The following FBLN1 variants were observed in gnomAD, a reference collection of about 807,000 sequenced individuals.
FBLN1 encodes the protein fibulin 1.
FBLN1 carries 34 observed loss-of-function variants against 89.7 expected under a neutral mutation model. That is an observed-to-expected ratio of 0.38 (90% CI 0.29 to 0.50). The LOEUF is 0.50. Ranked by LOEUF, FBLN1 falls within the 20% of genes least tolerant of loss-of-function variation. The probability of loss-of-function intolerance (pLI) is 0.92; values close to 1 mark genes in which losing one functional copy is unlikely to be tolerated. For synonymous variants in FBLN1, 393 were observed against 391.3 expected (o/e 1.00, Z -0.05); for missense variants, 777 against 988.1 (o/e 0.79, Z 2.86).
At chr22:45,551,970 C>T (rs972485080) in intron 14 of FBLN1, among the ~76,000 whole-genome samples, 1 of 152,262 alleles carries the variant, frequency 6.6e-6, no homozygotes, top group African/African-American at 2.4e-5. Context: ...CTGGCGCCTC[C>T]TAAGCCTGAG....
intron 14 of FBLN1, chr22:45,564,917 A>T (rs998704201): frequency 6.2e-7 from 1 of 1,614,158 alleles, no homozygotes; most frequent in Non-Finnish European, 8.5e-7. Context: ...AGAACACCCC[A>T]GCGGGATCAA....
chr22:45,570,412 C>T (rs752006785), intron 14 of FBLN1, among the ~76,000 whole-genome samples: 1 of 135,796 alleles, frequency 7.4e-6, no homozygotes, highest in African/African-American at 2.7e-5. Context: ...AAAATCGAGT[C>T]AGAATTAGAA....
chr22:45,547,086 C>A lies in FBLN1; in HGVS notation c.1323C>A (p.Asp441Glu). The A allele has an allele frequency of 6.2e-7, 1 of 1,614,082 alleles. No homozygotes were observed. The highest frequency in any genetic ancestry group is 8.5e-7 in the Non-Finnish European group (1 of 1,180,014). Reference protein sequence around the residue: ...RLSVDGRSCEDINECSSSPCS... With the variant: ...RLSVDGRSCEEINECSSSPCS... ...GGTGACCCTCGTTTTGTATTTCAGA[C>A]ATCAATGAGTGCAGCAGCAGCCCCT... Residue 441 changes from aspartate (D) to glutamate (E), a missense_variant and splice_region_variant, in exon 12 of 17, where the codon GAC (aspartate) becomes GAA (glutamate). Transcript: ENST00000327858.
chr22:45,535,574 G>A, intron 8 of FBLN1: 1 of 523,376 alleles, frequency 1.9e-6, no homozygotes, highest in South Asian at 2.1e-5. Context: ...AGGGCCATCT[G>A]TAAACAAATG....
At chr22:45,554,461 G>T (rs118137125) in intron 14 of FBLN1, among the ~76,000 whole-genome samples, 1 of 152,108 alleles carries the variant, frequency 6.6e-6, no homozygotes, top group African/African-American at 2.4e-5. Context: ...GGACTCCCCC[G>T]TTCAGTGCCC....
At position 45,532,773 on chromosome 22, in the gene FBLN1, T is replaced by G; in HGVS notation, c.545-290T>G. On this transcript the variant is annotated intron_variant, in intron 5 of 16. Transcript: ENST00000327858. The surrounding 1 kb of genome is among the most constrained non-coding windows in gnomAD (Gnocchi z 4.2). ...ATGTCTGTGACCGGCAGTGAGCTCT[T>G]CTCTGCTTCGCCCCTTCCAGGTCCA... 1.9e-6 allele frequency: 1 copy of G among 515,666 alleles called. No individual in the cohort carries two copies. Among genetic ancestry groups the G allele is most frequent in the Non-Finnish European group, 3.5e-6 (1 of 283,088 alleles). The allele number at this position is 515,666 out of a possible 1,614,324, so 31.9% of individuals were successfully genotyped here.
chr22:45,508,563 C>G (rs1427807534), intron 1 of FBLN1, among the ~76,000 whole-genome samples: 1 of 152,154 alleles, frequency 6.6e-6, no homozygotes, highest in East Asian at 1.9e-4. Context: ...GCCCAGCCAG[C>G]CTCACGCACC....
intron 2 of FBLN1, among the ~76,000 whole-genome samples, chr22:45,520,306 A>G (rs2088232540): frequency 6.6e-6 from 1 of 152,192 alleles, no homozygotes; most frequent in Admixed American, 6.5e-5. Flanking sequence ...GGTTCCTCAT[A>G]GTTCCGGAGG....
chr22:45,534,507 A>G (rs930142674), intron 7 of FBLN1, among the ~76,000 whole-genome samples: 2 of 152,212 alleles, frequency 1.3e-5, no homozygotes, highest in African/African-American at 4.8e-5. Context: ...AGGATCGTTT[A>G]GAACACAGTT....
In FBLN1 at chr22:45,577,623, G is replaced by A. The variant is rs975417917; in HGVS notation, c.1972+515G>A. Among the ~76,000 whole-genome samples, 2 of 152,212 alleles carry A rather than the reference G, an allele frequency of 1.3e-5. No individual in the cohort carries two copies. Among genetic ancestry groups the A allele is most frequent in the African/African-American group, 4.8e-5 (2 of 41,454 alleles). ...TGAGCAGTAGTCGTCCCCTCCCTACGCATCAGTTGGTAAGAGGACCAAGGC... is the reference window on the plus strand; with the variant it reads ...TGAGCAGTAGTCGTCCCCTCCCTACACATCAGTTGGTAAGAGGACCAAGGC... On this transcript the variant is annotated intron_variant, in intron 16 of 16. Coordinates refer to ENST00000327858, the MANE Select transcript of FBLN1 (RefSeq NM_006486.3). This position sits in a 1 kb window ranked among gnomAD's most constrained non-coding sequence, Gnocchi z 6.6.
rs1207166312 is a variant in FBLN1, at chr22:45,530,453, C to T, written c.485-812C>T. On this transcript the variant is annotated intron_variant, in intron 4 of 16. Coordinates refer to ENST00000327858, the MANE Select transcript of FBLN1 (RefSeq NM_006486.3). This position sits in a 1 kb window ranked among gnomAD's most constrained non-coding sequence, Gnocchi z 5.4. ...CAGCCGCACCTTCCTCCCACTGCTA[C>T]CAGTGCCATGGACCCACTGTATGTT... Among the ~76,000 whole-genome samples the T allele has an allele frequency of 6.6e-6, 1 of 152,186 alleles. No homozygotes were observed. Among genetic ancestry groups the T allele is most frequent in the African/African-American group, 2.4e-5 (1 of 41,440 alleles).
rs551389830 is a variant in FBLN1, at chr22:45,556,799, G to A, written c.1697+6184G>A. 2.6e-5 allele frequency among the ~76,000 whole-genome samples: 4 copies of A among 152,148 alleles called. No homozygotes were observed. The highest frequency in any genetic ancestry group is 2.1e-4 in the South Asian group (1 of 4,806). ...CCTTGTTCTGTCTCCTGGTGGCGGC[G>A]TTCCTCCCTCTGGAACTAAGACCTC... On this transcript the variant is annotated intron_variant, in intron 14 of 16. Coordinates refer to ENST00000327858, the MANE Select transcript of FBLN1 (RefSeq NM_006486.3). The surrounding 1 kb of genome is among the most constrained non-coding windows in gnomAD (Gnocchi z 4.6).
intron 1 of FBLN1, among the ~76,000 whole-genome samples, chr22:45,517,992 C>T (rs1298155524): frequency 2.6e-5 from 4 of 151,788 alleles, no homozygotes; most frequent in African/African-American, 9.7e-5. Context: ...AGTAGCCGGG[C>T]GTAGTGGTGG....
Position 45,572,627 on chromosome 22 carries a change from C to G in FBLN1, c.1698-1884C>G, listed in dbSNP as rs1264046190. ...ATGGAAGTGAAGTGGTAGAACCAGACTATCGGCATTTTGCAATCCTTGATG... is the reference window on the plus strand; with the variant it reads ...ATGGAAGTGAAGTGGTAGAACCAGAGTATCGGCATTTTGCAATCCTTGATG... On this transcript the variant is annotated intron_variant, in intron 14 of 16. Coordinates refer to ENST00000327858, the MANE Select transcript of FBLN1 (RefSeq NM_006486.3). The surrounding 1 kb of genome is among the most constrained non-coding windows in gnomAD (Gnocchi z 5.8). 6.6e-6 allele frequency among the ~76,000 whole-genome samples: 1 copy of G among 152,252 alleles called. No homozygotes were observed. Among genetic ancestry groups the G allele is most frequent in the African/African-American group, 2.4e-5 (1 of 41,468 alleles).
At chr22:45,570,319 C>CAAAAAAAA (rs761469854) in intron 14 of FBLN1, among the ~76,000 whole-genome samples, 8 of 36,420 alleles carry the variant, frequency 2.2e-4, no homozygotes, top group Non-Finnish European at 3.2e-4. Flanking sequence ...GACTCTGTCT[C>CAAAAAAAA]AAAAAAAAAA....
rs1374771695 is a variant in FBLN1 at position 45,518,725 on chromosome 22, C to G, written c.123C>G (p.His41Gln). 5.0e-6 allele frequency: 8 copies of G among 1,612,150 alleles called. No homozygotes were observed. In the East Asian group the frequency reaches 1.6e-4, roughly 31 times the overall value. Reference protein sequence around the residue: ...VLLEACCADGHRMATHQKDCS... With the variant: ...VLLEACCADGQRMATHQKDCS... ...TGGAGGCCTGCTGTGCGGACGGACA[C>G]CGGATGGCCACTCATCAGAAGGACT... Residue 41 changes from histidine to glutamine, a missense_variant, in exon 2 of 17, where the codon CAC becomes CAG. His to Gln is a conservative substitution (Grantham distance 24, BLOSUM62 0). Transcript: ENST00000327858.
intron 16 of FBLN1, among the ~76,000 whole-genome samples, chr22:45,582,988 G>A (rs142873391): frequency 0.013 from 2,040 of 152,288 alleles, 45 homozygotes; most frequent in African/African-American, 0.046. Flanking sequence ...GCAGTTTTGC[G>A]TTGGAATCAC....
chr22:45,585,429 T>C (rs2089076339), intron 16 of FBLN1, among the ~76,000 whole-genome samples: 1 of 152,202 alleles, frequency 6.6e-6, no homozygotes, highest in African/African-American at 2.4e-5. Flanking sequence ...CTGCAGCCCA[T>C]GTGGAGAGTT....
Position 45,533,099 on chromosome 22 carries a change from G to A in FBLN1, c.581G>A (p.Gly194Asp), listed in dbSNP as rs1287033175. Residue 194 changes from glycine to aspartate, a missense_variant, in exon 6 of 17, where the codon GGT (glycine) becomes GAT (aspartate). Physicochemically the swap from Gly to Asp is moderately conservative, Grantham distance 94. Transcript: ENST00000327858. ...TGCAAGCAGCAGTGCCGAGACACGG[G>A]TGACGAGGTGGTCTGCTCCTGCTTC... The part of the protein sequence containing the change: ...GPCKQQCRDT[G>D]DEVVCSCFVG... The A allele has an allele frequency of 1.2e-6, 2 of 1,614,216 alleles. No individual in the cohort carries two copies. The highest frequency in any genetic ancestry group is 2.2e-5 in the East Asian group (1 of 44,870).
Sources: gnomAD v4.1 joint callset for allele counts (sites outside exome capture counted in the v4.1 genomes callset) on GRCh38, gnomAD v4.1.1 for gene constraint, Gnocchi (gnomAD v3.1) non-coding constraint, MANE v1.5 for transcripts, NCBI Gene and HGNC (gene_info 2026-07-23, HGNC 2026-07-21) for gene names.